PDZD2: variants seen among roughly 807,000 people sequenced by gnomAD.
PDZD2 encodes PDZ domain containing 2.
PDZD2 carries 90 observed loss-of-function variants against 220.7 expected under a neutral mutation model. The ratio of observed to expected loss-of-function variants is 0.41; its 90% confidence interval spans 0.34 to 0.49. The LOEUF is 0.49. Among genes scored for constraint, PDZD2 ranks in the 20% least tolerant of loss-of-function variants. The pLI is 0.28. For missense variants in PDZD2, 3,174 were observed against 3,608.5 expected (o/e 0.88, Z 3.08); for synonymous variants, 1,375 against 1,450.5 (o/e 0.95, Z 1.18).
chr5:31,943,675 G>A (rs1448580435), intron 2 of PDZD2, among the ~76,000 whole-genome samples: 1 of 152,192 alleles, frequency 6.6e-6, no homozygotes, highest in Non-Finnish European at 1.5e-5. Flanking sequence ...AAATGCAGTC[G>A]CTATCAGAGA....
chr5:31,898,326 T>C lies in PDZD2; in HGVS notation c.477-84829T>C, dbSNP rs1741760199. ...GCTGTAAAGCTAGGCTTCAGGACAT[T>C]AGGAAGGAGCACTGGTAGATTAGGC... On this transcript the variant is annotated intron_variant, in intron 2 of 24. Coordinates refer to ENST00000438447, the MANE Select transcript of PDZD2 (RefSeq NM_178140.4). 1.3e-5 allele frequency among the ~76,000 whole-genome samples: 2 copies of C among 152,172 alleles called. 1 individual carries two copies. The highest frequency in any genetic ancestry group is 4.1e-4 in the South Asian group (2 of 4,826).
At chr5:31,968,886 G>C (rs562327757) in intron 2 of PDZD2, among the ~76,000 whole-genome samples, 7 of 152,214 alleles carry the variant, frequency 4.6e-5, no homozygotes, top group Admixed American at 1.3e-4. Flanking sequence ...ACAGCAGCCT[G>C]GATAGATAAA....
chr5:31,700,510 C>G (rs1222976882), intron 1 of PDZD2, among the ~76,000 whole-genome samples: 34 of 152,194 alleles, frequency 2.2e-4, no homozygotes, highest in Admixed American at 2.2e-3. Flanking sequence ...TAGGTGGCCC[C>G]TGTCTCATCC....
chr5:31,689,183 C>T (rs1746993874), intron 1 of PDZD2, among the ~76,000 whole-genome samples: 1 of 151,434 alleles, frequency 6.6e-6, no homozygotes, highest in African/African-American at 2.4e-5. Context: ...GTTCTCCTGC[C>T]TCAGCCTCCT....
At chr5:32,045,356 G>T (rs1353827321) in intron 7 of PDZD2, among the ~76,000 whole-genome samples, 3 of 151,446 alleles carry the variant, frequency 2.0e-5, no homozygotes, top group African/African-American at 7.3e-5. Flanking sequence ...TTTTTTGTCA[G>T]CAGAGTTTCC....
In PDZD2 at chr5:31,799,654, G is replaced by A. The variant is rs753660456; in HGVS notation, c.406G>A (p.Val136Ile). ...CAGCCCAGCAGGGAAGAGTGGGAAG[G>A]TCCGACTGCGGGATGAGATCCTCTC... ...KNSPAGKSGK[V>I]RLRDEILSLN... is the part of the protein sequence containing the mutation. The change falls in exon 2 of 25, where the codon GTC becomes ATC. Residue 136 changes from valine (V) to isoleucine (I), a missense_variant. Coordinates refer to ENST00000438447, the MANE Select transcript of PDZD2 (RefSeq NM_178140.4). 4.3e-6 allele frequency: 7 copies of A among 1,614,026 alleles called. No individual in the cohort carries two copies. In the South Asian group the frequency reaches 6.6e-5, roughly 15 times the overall value.
intron 1 of PDZD2, among the ~76,000 whole-genome samples, chr5:31,769,599 T>G (rs1752226302): frequency 6.6e-6 from 1 of 152,240 alleles, no homozygotes; most frequent in Admixed American, 6.5e-5. Flanking sequence ...CTTTTATTTT[T>G]AAATTGTTTC....
chr5:31,806,294 G>A (rs978410545), intron 2 of PDZD2, among the ~76,000 whole-genome samples: 1 of 152,160 alleles, frequency 6.6e-6, no homozygotes, highest in Non-Finnish European at 1.5e-5. Flanking sequence ...GTTTAGGGTC[G>A]ATTTGGAATG....
At chr5:32,003,275 A>G (rs1752463499) in intron 5 of PDZD2, among the ~76,000 whole-genome samples, 1 of 117,944 alleles carries the variant, frequency 8.5e-6, no homozygotes, top group Non-Finnish European at 1.7e-5. Flanking sequence ...TGCCACACAC[A>G]CACCACACAC....
Position 31,639,817 on chromosome 5 carries a change from G to T in PDZD2, c.-361+380G>T, listed in dbSNP as rs112164283. ...GTCTTCTGGTCCCTTCCTCCGACAG[G>T]AGTGGAGGTACTCAGGTACTCCGGC... On this transcript the variant is annotated intron_variant, in intron 1 of 24. Coordinates refer to ENST00000438447, the MANE Select transcript of PDZD2 (RefSeq NM_178140.4). This position sits in a 1 kb window ranked among gnomAD's most constrained non-coding sequence, Gnocchi z 4.1. 3.9e-3 allele frequency among the ~76,000 whole-genome samples: 592 copies of T among 152,318 alleles called. 5 individuals carry two copies. Among genetic ancestry groups the T allele is most frequent in the African/African-American group, 0.014 (562 of 41,576 alleles).
At chr5:32,096,895 G>A (rs888993973) in intron 21 of PDZD2, among the ~76,000 whole-genome samples, 3 of 135,386 alleles carry the variant, frequency 2.2e-5, no homozygotes, top group Non-Finnish European at 4.6e-5. Context: ...AAGTGCAGTG[G>A]CGTGATCATG....
intron 6 of PDZD2, among the ~76,000 whole-genome samples, chr5:32,029,329 T>TAAAAAAAAAAAA (rs34025632): frequency 1.5e-5 from 1 of 65,826 alleles, no homozygotes; most frequent in Non-Finnish European, 2.7e-5. Flanking sequence ...TCAAGAACTG[T>TAAAAAAAAAAAA]AAAAAAAAAA....
At position 31,983,523 on chromosome 5, in the gene PDZD2, A is replaced by C. The variant is rs753901868; in HGVS notation, c.845A>C (p.Glu282Ala). 8.1e-6 allele frequency: 13 copies of C among 1,614,118 alleles called. No homozygotes were observed. The highest frequency in any genetic ancestry group is 3.3e-5 in the Admixed American group (2 of 60,010). ...SLKEVAGPHLERSEVDRGTEH... is the reference protein window; with the variant it reads ...SLKEVAGPHLARSEVDRGTEH... ...AAGGAGGTGGCTGGACCCCATCTAG[A>C]GAGGTCAGAAGTGGACAGAGGGACA... The change falls in exon 3 of 25, where the codon GAG (glutamate) becomes GCG (alanine). Residue 282 changes from glutamate (E) to alanine (A), a missense_variant. By Grantham distance (107) the Glu-to-Ala change is moderately radical. Transcript: ENST00000438447.
intron 8 of PDZD2, among the ~76,000 whole-genome samples, chr5:32,051,948 G>A (rs1191614497): frequency 1.3e-5 from 2 of 152,160 alleles, no homozygotes; most frequent in African/African-American, 2.4e-5. Flanking sequence ...GGAGGCAGGG[G>A]TGACTACCAA....
Position 32,087,699 on chromosome 5 carries a change from G to C in PDZD2, c.4251G>C (p.Gly1417=). 1 of 1,614,098 alleles carries C rather than the reference G, an allele frequency of 6.2e-7. No individual in the cohort carries two copies. Among genetic ancestry groups the C allele is most frequent in the Non-Finnish European group, 8.5e-7 (1 of 1,179,972 alleles). ...CGHVSGHCCP[G]GSRESPVTDI... is the part of the protein sequence containing the mutation. ...ATGTCTCGGGGCACTGCTGCCCAGG[G>C]GGGAGTAGAGAGAGCCCTGTGACGG... The change falls in exon 20 of 25, where the codon GGG becomes GGC. Residue 1417 remains glycine, a synonymous_variant. Transcript: ENST00000438447. The surrounding 1 kb of genome is among the most constrained non-coding windows in gnomAD (Gnocchi z 4.0).
intron 1 of PDZD2, among the ~76,000 whole-genome samples, chr5:31,791,592 A>C (rs1452572365): frequency 2.7e-4 from 36 of 133,068 alleles, no homozygotes; most frequent in African/African-American, 1.3e-3. Flanking sequence ...CTCCGTCTCA[A>C]AAAAAAAAAA....
At chr5:31,971,696 A>G (rs971696647) in intron 2 of PDZD2, among the ~76,000 whole-genome samples, 4 of 152,152 alleles carry the variant, frequency 2.6e-5, no homozygotes, top group Non-Finnish European at 5.9e-5. Flanking sequence ...CTTCTAACCT[A>G]TTCCCAACAC....
Position 31,639,600 on chromosome 5 carries a change from C to T in PDZD2, c.-361+163C>T, listed in dbSNP as rs1032024008. ...AGGGCGGGGAGTGAGGACGCCGAAC[C>T]GGGGTCCCACGTTGGGCGGCGCAAA... On this transcript the variant is annotated intron_variant, in intron 1 of 24. Coordinates refer to ENST00000438447, the MANE Select transcript of PDZD2 (RefSeq NM_178140.4). The surrounding 1 kb of genome is among the most constrained non-coding windows in gnomAD (Gnocchi z 4.1). Among the ~76,000 whole-genome samples, 1 of 152,110 alleles carries T rather than the reference C, an allele frequency of 6.6e-6. No individual in the cohort carries two copies. The highest frequency in any genetic ancestry group is 1.5e-5 in the Non-Finnish European group (1 of 68,006).
At chr5:31,769,767 C>G (rs1752235976) in intron 1 of PDZD2, among the ~76,000 whole-genome samples, 1 of 152,158 alleles carries the variant, frequency 6.6e-6, no homozygotes, top group Non-Finnish European at 1.5e-5. Flanking sequence ...AGTTACAGGA[C>G]TTGGGTTGTG....
Sources: gnomAD v4.1 joint callset for allele counts (sites outside exome capture counted in the v4.1 genomes callset) on GRCh38, gnomAD v4.1.1 for gene constraint, Gnocchi (gnomAD v3.1) non-coding constraint, MANE v1.5 for transcripts, NCBI Gene and HGNC (gene_info 2026-07-23, HGNC 2026-07-21) for gene names.